Variants in TGFB2 observed in about 807,000 individuals in gnomAD.
The protein encoded by TGFB2 is transforming growth factor beta 2, also known as transforming growth factor beta-2 proprotein.
TGFB2 carries 13 observed loss-of-function variants against 42.7 expected under a neutral mutation model. The observed-to-expected ratio is 0.30, with a 90% CI of 0.20 to 0.48. The LOEUF is 0.48. Among genes scored for constraint, TGFB2 ranks in the 20% least tolerant of loss-of-function variants. The probability of loss-of-function intolerance (pLI) is 0.99; values close to 1 mark genes in which losing one functional copy is unlikely to be tolerated. For synonymous variants in TGFB2, 193 were observed against 193.6 expected (o/e 1.00, Z 0.03); for missense variants, 390 against 517.5 (o/e 0.75, Z 2.39).
rs1017753311 is a variant in TGFB2 at position 218,425,364 on chromosome 1, C to T, written c.511-8718C>T. On this transcript the variant is annotated intron_variant, in intron 2 of 6. Coordinates refer to ENST00000366930, the MANE Select transcript of TGFB2 (RefSeq NM_003238.6). ...CTGGGATTACAGGTGCCAGCCACCA[C>T]GCCCGGCTAATTTTTTGTATTTTTA... is the stretch of plus-strand genomic sequence containing the variant. Among the ~76,000 whole-genome samples, 55 of 152,028 alleles carry T rather than the reference C, an allele frequency of 3.6e-4. 1 individual carries two copies. Among genetic ancestry groups the T allele is most frequent in the African/African-American group, 1.2e-3 (49 of 41,494 alleles).
At chr1:218,369,920 C>T (rs1238724471) in intron 1 of TGFB2, among the ~76,000 whole-genome samples, 1 of 152,174 alleles carries the variant, frequency 6.6e-6, no homozygotes, top group Non-Finnish European at 1.5e-5. Flanking sequence ...TTCTGTGGGA[C>T]TGAAGTTTGC....
At chr1:218,390,181 G>A (rs990286205) in intron 1 of TGFB2, among the ~76,000 whole-genome samples, 12 of 148,918 alleles carry the variant, frequency 8.1e-5, no homozygotes, top group Admixed American at 3.3e-4. Flanking sequence ...AGCATTTGTC[G>A]TGCCCCCACC....
chr1:218,444,062 T>C lies in TGFB2; in HGVS notation c.*2700T>C, dbSNP rs1328108808. 7 of 152,260 alleles carry C rather than the reference T, an allele frequency of 4.6e-5. No individual in the cohort carries two copies. In the South Asian group the frequency reaches 1.4e-3, roughly 32 times the overall value. The allele number at this position is 152,260 out of a possible 1,614,324, so 9.4% of individuals were successfully genotyped here. A position where few individuals can be genotyped will look rare whatever the true frequency, so the allele number is the denominator to read the frequency against. The stretch of plus-strand genomic sequence containing the variant: ...GAAAACACCTGTGATGCAATAAGAC[T>C]ATCTCAAGCTGGAAAAGTCATACCA... On this transcript the variant is annotated 3_prime_UTR_variant, in exon 7 of 7. Transcript: ENST00000366930.
At position 218,443,887 on chromosome 1, in the gene TGFB2, G is replaced by A. The variant is rs1470144310; in HGVS notation, c.*2525G>A. ...TGATCGTTGGCATGGTTAAAAAATG[G>A]AATATAAGATTAGCTGTTTTGTATT... On this transcript the variant is annotated 3_prime_UTR_variant, in exon 7 of 7. Coordinates refer to ENST00000366930, the MANE Select transcript of TGFB2 (RefSeq NM_003238.6). 1 of 152,016 alleles carries A rather than the reference G, an allele frequency of 6.6e-6. No individual in the cohort carries two copies. The highest frequency in any genetic ancestry group is 1.5e-5 in the Non-Finnish European group (1 of 67,974). The allele number at this position is 152,016 out of a possible 1,614,324, so 9.4% of individuals were successfully genotyped here.
intron 1 of TGFB2, among the ~76,000 whole-genome samples, chr1:218,356,418 CA>C (rs1657036961): frequency 6.6e-6 from 1 of 152,068 alleles, no homozygotes; most frequent in East Asian, 1.9e-4. Context: ...GGGGTCTTGT[CA>C]TGTTGTTCAA....
chr1:218,362,408 C>T (rs914474171), intron 1 of TGFB2, among the ~76,000 whole-genome samples: 5 of 152,184 alleles, frequency 3.3e-5, no homozygotes, highest in Non-Finnish European at 7.3e-5. Flanking sequence ...CCTTGACCAC[C>T]TTTTGTCTGT....
chr1:218,405,459 G>GA, intron 2 of TGFB2, 127 bp downstream of exon 2: 1 of 1,509,126 alleles, frequency 6.6e-7, no homozygotes, highest in Non-Finnish European at 9.0e-7. Context: ...TGAACTCCTG[G>GA]GTTCAAACGA....
At chr1:218,362,573 A>G (rs10482737) in intron 1 of TGFB2, among the ~76,000 whole-genome samples, 1,768 of 152,312 alleles carry the variant, frequency 0.012, 27 homozygotes, top group East Asian at 0.082. Context: ...CAAAAATTCT[A>G]TATTTTTATT....
At chr1:218,421,993 G>A (rs1659468894) in intron 2 of TGFB2, among the ~76,000 whole-genome samples, 1 of 152,136 alleles carries the variant, frequency 6.6e-6, no homozygotes, top group Admixed American at 6.5e-5. Context: ...CGTGATTTCA[G>A]ACTTCTAGCC....
At chr1:218,359,787 G>A (rs1158078006) in intron 1 of TGFB2, among the ~76,000 whole-genome samples, 1 of 152,168 alleles carries the variant, frequency 6.6e-6, no homozygotes, top group Non-Finnish European at 1.5e-5. Flanking sequence ...AGAGGCTGGA[G>A]GGATTAGGGC....
At chr1:218,380,474 C>T (rs1383351665) in intron 1 of TGFB2, among the ~76,000 whole-genome samples, 2 of 152,010 alleles carry the variant, frequency 1.3e-5, no homozygotes, top group African/African-American at 4.8e-5. Flanking sequence ...TCCTAGCTAA[C>T]CCCTTTGATT....
chr1:218,415,209 G>A (rs944057345), intron 2 of TGFB2, among the ~76,000 whole-genome samples: 7 of 152,108 alleles, frequency 4.6e-5, no homozygotes, highest in African/African-American at 7.2e-5. Context: ...TACAGTTTCC[G>A]AGCATTGAGT....
Position 218,346,607 on chromosome 1 carries a change from C to A in TGFB2, c.-95C>A. ...ATCAAAAACAACAACAACAAAAAAC[C>A]AAACAACTCTCCTTGATCTATACTT... On this transcript the variant is annotated 5_prime_UTR_variant, in exon 1 of 7. Transcript: ENST00000366930. This position sits in a 1 kb window ranked among gnomAD's most constrained non-coding sequence, Gnocchi z 4.9. The A allele has an allele frequency of 8.5e-7, 1 of 1,171,084 alleles. No homozygotes were observed. Among genetic ancestry groups the A allele is most frequent in the Non-Finnish European group, 1.2e-6 (1 of 852,940 alleles). The allele number at this position is 1,171,084 out of a possible 1,614,324, so 72.5% of individuals were successfully genotyped here.
At chr1:218,387,690 T>A (rs144332570) in intron 1 of TGFB2, among the ~76,000 whole-genome samples, 14 of 152,290 alleles carry the variant, frequency 9.2e-5, no homozygotes, top group African/African-American at 3.1e-4. Context: ...CCCTCCCATA[T>A]TGCACATCTT....
At chr1:218,412,552 C>A (rs1412630643) in intron 2 of TGFB2, among the ~76,000 whole-genome samples, 1 of 152,108 alleles carries the variant, frequency 6.6e-6, no homozygotes, top group Admixed American at 6.5e-5. Context: ...TCTGTCCTCC[C>A]CGTTTACCTT....
At chr1:218,432,195 C>T (rs1659828274) in intron 2 of TGFB2, among the ~76,000 whole-genome samples, 1 of 152,138 alleles carries the variant, frequency 6.6e-6, no homozygotes, top group Non-Finnish European at 1.5e-5. Flanking sequence ...CTTGAGTTTG[C>T]TTCCTTAATC....
intron 1 of TGFB2, among the ~76,000 whole-genome samples, chr1:218,373,942 G>A (rs1370435334): frequency 2.0e-5 from 3 of 152,196 alleles, no homozygotes; most frequent in Admixed American, 1.3e-4. Flanking sequence ...ACTGGTATTG[G>A]AATTAAGCAG....
chr1:218,348,036 AACAG>A (rs1656749333), intron 1 of TGFB2, among the ~76,000 whole-genome samples: 1 of 151,740 alleles, frequency 6.6e-6, no homozygotes, highest in Non-Finnish European at 1.5e-5. Context: ...AGAGGAAGGG[AACAG>A]ACAGTGTAGA....
chr1:218,430,916 C>T (rs774605959), intron 2 of TGFB2, among the ~76,000 whole-genome samples: 4 of 152,082 alleles, frequency 2.6e-5, no homozygotes, highest in Admixed American at 2.0e-4. Flanking sequence ...CAAGCAAGCA[C>T]GCTGAGGGGG....
Sources: gnomAD v4.1 joint callset for allele counts (sites outside exome capture counted in the v4.1 genomes callset) on GRCh38, gnomAD v4.1.1 for gene constraint, Gnocchi (gnomAD v3.1) non-coding constraint, MANE v1.5 for transcripts, NCBI Gene and HGNC (gene_info 2026-07-23, HGNC 2026-07-21) for gene names.